PRMT9: variants seen among roughly 807,000 people sequenced by gnomAD.
The protein encoded by PRMT9 is protein arginine N-methyltransferase 9.
PRMT9 carries 59 observed loss-of-function variants against 83.2 expected under a neutral mutation model. That is an observed-to-expected ratio of 0.71 (90% confidence interval 0.57 to 0.88). PRMT9 has a LOEUF of 0.88. Ranked by LOEUF, PRMT9 falls within the 40% of genes least tolerant of loss-of-function variation. PRMT9 has a pLI of 0.00. For synonymous variants in PRMT9, 333 were observed against 353.2 expected (o/e 0.94, Z 0.64); for missense variants, 947 against 1,021.9 (o/e 0.93, Z 1.00).
At position 147,680,394 on chromosome 4, in the gene PRMT9, G is replaced by A; in HGVS notation, c.267C>T (p.Cys89=). Residue 89 remains cysteine, a synonymous_variant, in exon 2 of 12, where the codon TGC becomes TGT. Coordinates refer to ENST00000322396, the MANE Select transcript of PRMT9 (RefSeq NM_138364.4). ...ALSRIQDLLG[C]YEQALELFPD... ...GAAACAGTTCCAAGGCCTGCTCATA[G>A]CAACCAAGTAAGTCTTGTATCCGAC... 1 of 1,613,928 alleles carries A rather than the reference G, an allele frequency of 6.2e-7. No homozygotes were observed. The highest frequency in any genetic ancestry group is 8.5e-7 in the Non-Finnish European group (1 of 1,179,842).
intron 4 of PRMT9, among the ~76,000 whole-genome samples, chr4:147,672,490 T>G (rs752573814): frequency 1.3e-4 from 20 of 152,270 alleles, no homozygotes; most frequent in Non-Finnish European, 8.8e-5. Flanking sequence ...AAGACTTATA[T>G]GACTTATATT....
intron 10 of PRMT9, 32 bp downstream of exon 10, chr4:147,642,755 A>C (rs1205513803): frequency 6.3e-7 from 1 of 1,580,782 alleles, no homozygotes; most frequent in Admixed American, 1.7e-5. Flanking sequence ...GTTCAACAGC[A>C]TCCTGGTTGA....
intron 2 of PRMT9, among the ~76,000 whole-genome samples, chr4:147,676,558 G>A (rs911471371): frequency 2.0e-5 from 3 of 152,072 alleles, no homozygotes; most frequent in Non-Finnish European, 4.4e-5. Flanking sequence ...TTAATTATCT[G>A]CCTTATTTTT....
chr4:147,675,533 C>T (rs2126635119), intron 2 of PRMT9, among the ~76,000 whole-genome samples: 1 of 152,258 alleles, frequency 6.6e-6, no homozygotes, highest in East Asian at 1.9e-4. Context: ...TGTATGTAAT[C>T]ATTATTTTTT....
intron 11 of PRMT9, 80 bp downstream of exon 11, chr4:147,638,880 G>T: frequency 1.4e-6 from 2 of 1,417,386 alleles, no homozygotes; most frequent in Admixed American, 1.7e-5. Flanking sequence ...GTAGCTAAAA[G>T]TATGTATAAA....
At chr4:147,680,186 T>C (rs1736371783) in intron 2 of PRMT9, 137 bp downstream of exon 2, 7 of 810,210 alleles carry the variant, frequency 8.6e-6, no homozygotes, top group African/African-American at 1.7e-5. Context: ...ATGATTATTA[T>C]ATATCTGCTA....
intron 2 of PRMT9, among the ~76,000 whole-genome samples, chr4:147,674,501 A>G (rs1322675792): frequency 2.6e-5 from 4 of 151,498 alleles, no homozygotes; most frequent in South Asian, 4.2e-4. Context: ...ATAAAAGGAG[A>G]AAAAAAAACC....
rs917833452 is a variant in PRMT9 at position 147,646,087 on chromosome 4, T to C, written c.2046-3147A>G. 2.0e-5 allele frequency among the ~76,000 whole-genome samples: 3 copies of C among 152,226 alleles called. No homozygotes were observed. In the East Asian group the frequency reaches 5.8e-4, roughly 29 times the overall value. ...TGAAATTTCACACATCTTAATAAGA[T>C]TGCACAGCTCTTAACCAAATTGCAA... On this transcript the variant is annotated intron_variant, in intron 9 of 11. Coordinates refer to ENST00000322396, the MANE Select transcript of PRMT9 (RefSeq NM_138364.4).
At position 147,653,885 on chromosome 4, in the gene PRMT9, T is replaced by C. The variant is rs1260167973; in HGVS notation, c.2012A>G (p.Gln671Arg). ...TGCAGCTTTTTCCATTATTTCCTGCTGAATGAGCCCAGATGGCTCAATGAC... is the reference window on the plus strand; with the variant it reads ...TGCAGCTTTTTCCATTATTTCCTGCCGAATGAGCCCAGATGGCTCAATGAC... ...LDVIEPSGLI[Q>R]QEIMEKAAIS... Residue 671 changes from glutamine (Q) to arginine (R), a missense_variant, in exon 9 of 12, where the codon CAG becomes CGG. By Grantham distance (43) the Gln-to-Arg change is conservative. Coordinates refer to ENST00000322396, the MANE Select transcript of PRMT9 (RefSeq NM_138364.4). 1 of 1,614,142 alleles carries C rather than the reference T, an allele frequency of 6.2e-7. No homozygotes were observed. The highest frequency in any genetic ancestry group is 1.7e-5 in the Admixed American group (1 of 60,024).
chr4:147,672,768 T>C (rs1439608565), intron 4 of PRMT9, among the ~76,000 whole-genome samples, 191 bp downstream of exon 4: 1 of 152,114 alleles, frequency 6.6e-6, no homozygotes, highest in Non-Finnish European at 1.5e-5. Context: ...TTTCTCAAGA[T>C]CTTTAAATAT....
At chr4:147,657,150 G>A (rs903843579) in intron 8 of PRMT9, among the ~76,000 whole-genome samples, 4 of 152,086 alleles carry the variant, frequency 2.6e-5, no homozygotes, top group African/African-American at 4.8e-5. Flanking sequence ...TCTCTAAGGA[G>A]TAAGAACTCC....
Position 147,654,140 on chromosome 4 carries a change from T to C in PRMT9, c.1757A>G (p.Asp586Gly). The change falls in exon 9 of 12, where the codon GAT (aspartate) becomes GGT (glycine). Residue 586 changes from aspartate (D) to glycine (G), a missense_variant. Coordinates refer to ENST00000322396, the MANE Select transcript of PRMT9 (RefSeq NM_138364.4). Reference protein sequence around the residue: ...QNILEPFYVLDVSEGFSVLPV... With the variant: ...QNILEPFYVLGVSEGFSVLPV... ...CAGAACAGAGAAGCCTTCGGACACA[T>C]CTAACACGTAGAAAGGTTCAAGGAT... is the stretch of plus-strand genomic sequence containing the variant. 6.2e-7 allele frequency: 1 copy of C among 1,614,188 alleles called. No individual in the cohort carries two copies. The highest frequency in any genetic ancestry group is 1.3e-5 in the African/African-American group (1 of 75,046).
intron 5 of PRMT9, among the ~76,000 whole-genome samples, chr4:147,670,324 C>T (rs929435531): frequency 1.3e-5 from 2 of 152,162 alleles, no homozygotes; most frequent in African/African-American, 4.8e-5. Flanking sequence ...GGATTACAGG[C>T]ATGCGCCACC....
chr4:147,656,413 GC>G (rs1368558716), intron 8 of PRMT9, among the ~76,000 whole-genome samples: 1 of 151,742 alleles, frequency 6.6e-6, no homozygotes. Context: ...CTTCCTCAGT[GC>G]CCCAAGTAGC....
At chr4:147,682,045 G>T (rs985389347) in intron 1 of PRMT9, among the ~76,000 whole-genome samples, 1 of 152,042 alleles carries the variant, frequency 6.6e-6, no homozygotes, top group Admixed American at 6.6e-5. Flanking sequence ...ATACACTGTC[G>T]CCCAGGCTGG....
chr4:147,656,459 A>C (rs988195157), intron 8 of PRMT9, among the ~76,000 whole-genome samples: 1 of 152,004 alleles, frequency 6.6e-6, no homozygotes, highest in South Asian at 2.1e-4. Flanking sequence ...TCCCCAGCTA[A>C]ATTTTTTCAT....
intron 2 of PRMT9, among the ~76,000 whole-genome samples, chr4:147,675,464 T>C (rs1400628812): frequency 2.6e-5 from 4 of 152,208 alleles, no homozygotes; most frequent in Non-Finnish European, 5.9e-5. Flanking sequence ...ATCTTGAAGG[T>C]AGAACTATCT....
In PRMT9 at chr4:147,684,028, A is replaced by G. The variant is rs770607694; in HGVS notation, c.-41T>C. On this transcript the variant is annotated 5_prime_UTR_variant, in exon 1 of 12. Transcript: ENST00000322396. The stretch of plus-strand genomic sequence containing the variant: ...TATGGCCAAAGGGAAGATATTTTGT[A>G]AACGTAATTAGAAAACTCTCTCGAT... 1 of 1,591,430 alleles carries G rather than the reference A, an allele frequency of 6.3e-7. No individual in the cohort carries two copies. Among genetic ancestry groups the G allele is most frequent in the East Asian group, 2.3e-5 (1 of 44,372 alleles).
At position 147,683,691 on chromosome 4, in the gene PRMT9, C is replaced by T. The variant is rs1578952350; in HGVS notation, c.189+108G>A. On this transcript the variant is annotated intron_variant, in intron 1 of 11. Transcript: ENST00000322396. Reference sequence around the variant, plus strand: ...AAAGGGCCCTAAATATTAACAGCAACCACCCACCCAGGCACCCTAGCCCCT... The same window carrying T: ...AAAGGGCCCTAAATATTAACAGCAATCACCCACCCAGGCACCCTAGCCCCT... 3 of 1,053,184 alleles carry T rather than the reference C, an allele frequency of 2.8e-6. No homozygotes were observed. In the African/African-American group the frequency reaches 4.9e-5, roughly 17 times the overall value. 65.2% of individuals were successfully genotyped at this position (1,053,184 alleles called of 1,614,324 possible). A position where few individuals can be genotyped will look rare whatever the true frequency, so the allele number is the denominator to read the frequency against.
Sources: gnomAD v4.1 joint callset for allele counts (sites outside exome capture counted in the v4.1 genomes callset) on GRCh38, gnomAD v4.1.1 for gene constraint, MANE v1.5 for transcripts, NCBI Gene and HGNC (gene_info 2026-07-23, HGNC 2026-07-21) for gene names.